The following SPTB variants were observed in gnomAD, a reference collection of about 807,000 sequenced individuals.
The protein encoded by SPTB is spectrin beta, erythrocytic.
In SPTB, 45 loss-of-function variants were observed where a neutral mutation model predicts 256.2. The ratio of observed to expected loss-of-function variants is 0.18; its 90% CI spans 0.14 to 0.23. SPTB has a LOEUF of 0.23. SPTB is among the 10% of genes least tolerant of loss of function. SPTB has a pLI of 1.00. For missense variants in SPTB, 2,715 were observed against 3,040.4 expected, an observed-to-expected ratio of 0.89 and a Z score of 2.52; for synonymous variants, 1,231 against 1,243.1, an observed-to-expected ratio of 0.99 and a Z score of 0.21.
chr14:64,822,811 A>G, intron 2 of SPTB, 136 bp downstream of exon 2: 1 of 1,364,784 alleles, frequency 7.3e-7, no homozygotes, highest in Middle Eastern at 2.5e-4. Context: ...CACCTCCCTG[A>G]GCCCGACAAA....
rs922385306 is a variant in SPTB, at chr14:64,873,085, C to A, written c.-52+6707G>T. Among the ~76,000 whole-genome samples the A allele has an allele frequency of 1.1e-4, 16 of 152,192 alleles. No individual in the cohort carries two copies. Among genetic ancestry groups the A allele is most frequent in the African/African-American group, 3.9e-4 (16 of 41,436 alleles). On this transcript the variant is annotated intron_variant, in intron 1 of 35. Transcript: ENST00000644917. The surrounding 1 kb of genome is among the most constrained non-coding windows in gnomAD (Gnocchi z 4.3). Reference sequence around the variant, plus strand: ...TCTCCCCACTTCATTTGAGTCTCAGCCCAAATGAAGCCCCATCAGATAGTG... The same window carrying A: ...TCTCCCCACTTCATTTGAGTCTCAGACCAAATGAAGCCCCATCAGATAGTG...
rs17102258 is a variant in SPTB at position 64,865,651 on chromosome 14, G to C, written c.-52+14141C>G. Among the ~76,000 whole-genome samples the C allele has an allele frequency of 5.3e-5, 8 of 152,204 alleles. No homozygotes were observed. In the East Asian group the frequency reaches 1.2e-3, roughly 22 times the overall value. On this transcript the variant is annotated intron_variant, in intron 1 of 35. Transcript: ENST00000644917. ...ACCCACTGGGCTCACCAGCGACCAT[G>C]GTAAGAAGGGCCTGGCTAGCCTAGA...
Position 64,767,348 on chromosome 14 carries a change from T to C in SPTB, c.6224A>G (p.Glu2075Gly), listed in dbSNP as rs1235889026. Residue 2075 changes from glutamate to glycine, a missense_variant, in exon 31 of 36, where the codon GAG (glutamate) becomes GGG (glycine). Glu to Gly is a moderately conservative substitution (Grantham distance 98, BLOSUM62 -2). Transcript: ENST00000644917. Reference sequence around the variant, plus strand: ...CTCTGCAATCTGGCGTTCTTTCAGCTCAAGCTAGAGGAGGAGAAGGCCCAG... The same window carrying C: ...CTCTGCAATCTGGCGTTCTTTCAGCCCAAGCTAGAGGAGGAGAAGGCCCAG... ...FAALEKPTTL[E>G]LKERQIAERP... The C allele has an allele frequency of 6.2e-7, 1 of 1,613,998 alleles. No individual in the cohort carries two copies.
In SPTB at chr14:64,826,161, G is replaced by T. The variant is rs190102147; in HGVS notation, c.-51-3016C>A. Among the ~76,000 whole-genome samples the T allele has an allele frequency of 2.6e-5, 4 of 152,366 alleles. No individual in the cohort carries two copies. Among genetic ancestry groups the T allele is most frequent in the Admixed American group, 2.0e-4 (3 of 15,312 alleles). ...GGGGTCATGGGATGGGCCAGTGCAT[G>T]CAGGAAGGGAAGCTCTCGGAGAATC... On this transcript the variant is annotated intron_variant, in intron 1 of 35. Transcript: ENST00000644917. This position sits in a 1 kb window ranked among gnomAD's most constrained non-coding sequence, Gnocchi z 4.4.
intron 1 of SPTB, among the ~76,000 whole-genome samples, chr14:64,838,714 TA>T (rs994765690): frequency 5.4e-4 from 80 of 148,578 alleles, no homozygotes; most frequent in African/African-American, 1.7e-3. Flanking sequence ...AGAACGGCTT[TA>T]AAAAAAAAAC....
At position 64,873,888 on chromosome 14, in the gene SPTB, C is replaced by T. The variant is rs1422066715; in HGVS notation, c.-52+5904G>A. 6.6e-6 allele frequency among the ~76,000 whole-genome samples: 1 copy of T among 152,204 alleles called. No individual in the cohort carries two copies. The highest frequency in any genetic ancestry group is 1.5e-5 in the Non-Finnish European group (1 of 68,042). On this transcript the variant is annotated intron_variant, in intron 1 of 35. Transcript: ENST00000644917. The surrounding 1 kb of genome is among the most constrained non-coding windows in gnomAD (Gnocchi z 4.3). ...CAGGAATAATCAGATCTTCCCTTCA[C>T]ATGCTCATCATAAGATAAAATAAGA...
In SPTB at chr14:64,853,170, GAA is replaced by G. The variant is rs903658065; in HGVS notation, c.-52+26620_-52+26621del. ...GGACATCCCATGGGATATCTGGGTG[GAA>G]ATGCTTAACCTGAGGCTGGGTACCC... On this transcript the variant is annotated intron_variant, in intron 1 of 35. Transcript: ENST00000644917. The surrounding 1 kb of genome is among the most constrained non-coding windows in gnomAD (Gnocchi z 4.3). Among the ~76,000 whole-genome samples the G allele has an allele frequency of 1.3e-5, 2 of 152,216 alleles. No homozygotes were observed. The highest frequency in any genetic ancestry group is 2.1e-4 in the South Asian group (1 of 4,826).
chr14:64,865,983 A>G (rs1243792030), intron 1 of SPTB, among the ~76,000 whole-genome samples: 1 of 152,240 alleles, frequency 6.6e-6, no homozygotes, highest in Non-Finnish European at 1.5e-5. Context: ...CACCTTGCAG[A>G]GAAAGGCAGA....
At position 64,794,561 on chromosome 14, in the gene SPTB, T is replaced by C. The variant is rs774032476; in HGVS notation, c.1701A>G (p.Leu567=). 1.2e-6 allele frequency: 2 copies of C among 1,614,134 alleles called. No individual in the cohort carries two copies. The highest frequency in any genetic ancestry group is 1.6e-4 in the Middle Eastern group (1 of 6,062). Residue 567 remains leucine (L), a synonymous_variant, in exon 13 of 36, where the codon CTA becomes CTG. Transcript: ENST00000644917. ...CAGCTTCCATCAACTTGTGCTTCTGTAGCAGGTCTTCAACCTCCAACAAGT... is the reference window on the plus strand; with the variant it reads ...CAGCTTCCATCAACTTGTGCTTCTGCAGCAGGTCTTCAACCTCCAACAAGT... ...GKHLLEVEDL[L]QKHKLMEADI...
At position 64,793,913 on chromosome 14, in the gene SPTB, A is replaced by G. The variant is rs1400677635; in HGVS notation, c.1796-46T>C. 1.1e-5 allele frequency: 17 copies of G among 1,564,012 alleles called. No individual in the cohort carries two copies. The highest frequency in any genetic ancestry group is 1.8e-5 in the Admixed American group (1 of 56,996). ...GAGGACAAAGTGGGGGATGGGCTTC[A>G]TTTATGGGCACGCTTCAGATAAGCT... is the stretch of plus-strand genomic sequence containing the variant. On this transcript the variant is annotated intron_variant, in intron 13 of 35. Transcript: ENST00000644917. This position sits in a 1 kb window ranked among gnomAD's most constrained non-coding sequence, Gnocchi z 7.0.
Position 64,806,736 on chromosome 14 carries a change from C to CTGAT in SPTB, c.149-1650_149-1647dup, listed in dbSNP as rs2139648359. Among the ~76,000 whole-genome samples the CTGAT allele has an allele frequency of 6.6e-6, 1 of 152,234 alleles. No homozygotes were observed. The highest frequency in any genetic ancestry group is 2.1e-4 in the South Asian group (1 of 4,822). ...GGTGGTGGGGAACTCAAGGACAAGA[C>CTGAT]TGATGGTCCCTATCCTTGAGGCAGA... On this transcript the variant is annotated intron_variant, in intron 2 of 35. Coordinates refer to ENST00000644917, the MANE Select transcript of SPTB (RefSeq NM_001355436.2). This position sits in a 1 kb window ranked among gnomAD's most constrained non-coding sequence, Gnocchi z 4.1.
At chr14:64,846,072 C>T (rs973369005) in intron 1 of SPTB, among the ~76,000 whole-genome samples, 8 of 152,172 alleles carry the variant, frequency 5.3e-5, no homozygotes, top group Non-Finnish European at 1.0e-4. Context: ...CCTGTATCAC[C>T]CCTGTGATCA....
At chr14:64,768,495 C>A (rs78831117) in intron 29 of SPTB, among the ~76,000 whole-genome samples, 3 of 122 alleles carry the variant, frequency 0.025, no homozygotes, top group African/African-American at 0.065. Flanking sequence ...TGGCCAGGGG[C>A]ACCAGTTGGC....
chr14:64,802,407 C>T lies in SPTB; in HGVS notation c.475-90G>A, dbSNP rs1052795630. 4 of 1,216,430 alleles carry T rather than the reference C, an allele frequency of 3.3e-6. No homozygotes were observed. Among genetic ancestry groups the T allele is most frequent in the Middle Eastern group, 1.9e-4 (1 of 5,334 alleles). The allele number at this position is 1,216,430 out of a possible 1,614,324, so 75.4% of individuals were successfully genotyped here. On this transcript the variant is annotated intron_variant, in intron 4 of 35. Transcript: ENST00000644917. This position sits in a 1 kb window ranked among gnomAD's most constrained non-coding sequence, Gnocchi z 5.1. ...TCCCTGGGAGGCTCCCTCCCTCATC[C>T]CCCCTTCACTTAACACTAATTCATC...
Position 64,774,262 on chromosome 14 carries a change from C to T in SPTB, c.4973+135G>A, listed in dbSNP as rs983470498. 5.2e-5 allele frequency: 64 copies of T among 1,239,566 alleles called. 1 individual carries two copies. The highest frequency in any genetic ancestry group is 2.8e-4 in the Middle Eastern group (1 of 3,562). 76.8% of individuals were successfully genotyped at this position (1,239,566 alleles called of 1,614,324 possible). A position where few individuals can be genotyped will look rare whatever the true frequency, so the allele number is the denominator to read the frequency against. ...ATGAAATTGGATCCATCACCAGTCC[C>T]GCAGCAATTTTCTCCAGCCCTATTT... is the stretch of plus-strand genomic sequence containing the variant. On this transcript the variant is annotated intron_variant, in intron 24 of 35. Transcript: ENST00000644917.
chr14:64,826,963 C>T lies in SPTB; in HGVS notation c.-51-3818G>A, dbSNP rs1004797284. On this transcript the variant is annotated intron_variant, in intron 1 of 35. Coordinates refer to ENST00000644917, the MANE Select transcript of SPTB (RefSeq NM_001355436.2). The surrounding 1 kb of genome is among the most constrained non-coding windows in gnomAD (Gnocchi z 4.4). ...CAGAAGGAACATGTACTTATTAATGCATTTCACAATACCACTGATGCAACC... is the reference window on the plus strand; with the variant it reads ...CAGAAGGAACATGTACTTATTAATGTATTTCACAATACCACTGATGCAACC... Among the ~76,000 whole-genome samples the T allele has an allele frequency of 1.3e-5, 2 of 152,214 alleles. No individual in the cohort carries two copies. Among genetic ancestry groups the T allele is most frequent in the African/African-American group, 4.8e-5 (2 of 41,452 alleles).
At position 64,749,609 on chromosome 14, in the gene SPTB, C is replaced by T; in HGVS notation, c.6819+45G>A. 6.2e-7 allele frequency: 1 copy of T among 1,612,198 alleles called. No homozygotes were observed. The highest frequency in any genetic ancestry group is 8.5e-7 in the Non-Finnish European group (1 of 1,179,730). On this transcript the variant is annotated intron_variant, in intron 35 of 35. Coordinates refer to ENST00000644917, the MANE Select transcript of SPTB (RefSeq NM_001355436.2). The surrounding 1 kb of genome is among the most constrained non-coding windows in gnomAD (Gnocchi z 4.7). The stretch of plus-strand genomic sequence containing the variant: ...GGGCAAGCGGCCTGGGGTCCTCCAC[C>T]TACCCCCTTCTTAGCCAGGTCTGGG...
In SPTB at chr14:64,782,560, G is replaced by T. The variant is rs1184698698; in HGVS notation, c.4003-7C>A. 1.2e-6 allele frequency: 2 copies of T among 1,613,386 alleles called. No individual in the cohort carries two copies. Among genetic ancestry groups the T allele is most frequent in the East Asian group, 2.2e-5 (1 of 44,886 alleles). On this transcript the variant is annotated splice_polypyrimidine_tract_variant and splice_region_variant and intron_variant, in intron 19 of 35. Transcript: ENST00000644917. Reference sequence around the variant, plus strand: ...CCATCAGCTGCTTTCCTTCCTAGGGGCAAGAAGGAGGAGAGCTCACATTCT... The same window carrying T: ...CCATCAGCTGCTTTCCTTCCTAGGGTCAAGAAGGAGGAGAGCTCACATTCT...
At chr14:64,766,856 T>G (rs949141722) in intron 31 of SPTB, 55 bp from the exon 32 acceptor site, 1 of 1,594,842 alleles carries the variant, frequency 6.3e-7, no homozygotes, top group Non-Finnish European at 8.5e-7. Context: ...GGCCAGTGCC[T>G]CCTGCGAGGC....
Sources: allele counts gnomAD v4.1 joint callset (sites outside exome capture counted in the v4.1 genomes callset), GRCh38; gene constraint gnomAD v4.1.1; non-coding constraint Gnocchi (gnomAD v3.1); transcripts MANE v1.5; gene names NCBI Gene and HGNC (gene_info 2026-07-23, HGNC 2026-07-21).